The following ZFHX3 variants were observed in gnomAD, a reference collection of about 807,000 sequenced individuals.
The protein encoded by ZFHX3 is zinc finger homeobox protein 3.
In ZFHX3, 42 loss-of-function variants were observed where a neutral mutation model predicts 279.1. That is an observed-to-expected ratio of 0.15 (90% confidence interval 0.12 to 0.19). ZFHX3 has a LOEUF of 0.19. Ranked by LOEUF, ZFHX3 falls within the 10% of genes least tolerant of loss-of-function variation. The probability of loss-of-function intolerance (pLI) is 1.00; values close to 1 mark genes in which losing one functional copy is unlikely to be tolerated. For missense variants in ZFHX3, 4,981 were observed against 4,754.0 expected (o/e 1.05, Z -1.40); for synonymous variants, 2,293 against 1,957.8 (o/e 1.17, Z -4.52).
chr16:72,865,783 C>T (rs2038004360), intron 4 of ZFHX3, among the ~76,000 whole-genome samples: 1 of 152,134 alleles, frequency 6.6e-6, no homozygotes, highest in Non-Finnish European at 1.5e-5. Context: ...GCTTCTGTAT[C>T]CACAGAGAAG....
chr16:72,958,052 C>A lies in ZFHX3; in HGVS notation c.2094G>T (p.Gly698=), dbSNP rs1961351818. The A allele has an allele frequency of 1.2e-6, 2 of 1,613,656 alleles. No homozygotes were observed. Among genetic ancestry groups the A allele is most frequent in the African/African-American group, 1.3e-5 (1 of 74,946 alleles). Residue 698 remains glycine (G), a synonymous_variant, in exon 2 of 10, where the codon GGG becomes GGT. Coordinates refer to ENST00000268489, the MANE Select transcript of ZFHX3 (RefSeq NM_006885.4). ...AHMKEKHPEP[G]GSCVYCKSGQ... ...CGCTTTTGCAGTAGACACAGGAGCC[C>A]CCCGGCTCCGGGTGCTTCTCCTTCA...
At chr16:73,511,941 C>G (rs971881287) in intron 2 of ZFHX3, among the ~76,000 whole-genome samples, 1 of 152,170 alleles carries the variant, frequency 6.6e-6, no homozygotes, top group Non-Finnish European at 1.5e-5. Flanking sequence ...AAATACCCAA[C>G]ATGAGCCAGG....
intron 2 of ZFHX3, among the ~76,000 whole-genome samples, chr16:73,513,021 A>G (rs2019459607): frequency 6.6e-6 from 1 of 152,210 alleles, no homozygotes; most frequent in Non-Finnish European, 1.5e-5. Flanking sequence ...AATGAGGATA[A>G]TAGAATTCTA....
At position 72,786,549 on chromosome 16, in the gene ZFHX3, T is replaced by TA. The variant is rs2035379644; in HGVS notation, c.*614_*615insT. Reference sequence around the variant, plus strand: ...TTTTTCTTGAATACTTTCTGCCCATTTTTAAGTTAACAAAACAAAAAATCT... The same window carrying TA: ...TTTTTCTTGAATACTTTCTGCCCATTATTTAAGTTAACAAAACAAAAAATCT... On this transcript the variant is annotated 3_prime_UTR_variant, in exon 10 of 10. Coordinates refer to ENST00000268489, the MANE Select transcript of ZFHX3 (RefSeq NM_006885.4). The TA allele has an allele frequency of 6.7e-6, 1 of 150,180 alleles. No homozygotes were observed. The highest frequency in any genetic ancestry group is 6.6e-5 in the Admixed American group (1 of 15,122). 9.3% of individuals were successfully genotyped at this position (150,180 alleles called of 1,614,324 possible).
intron 4 of ZFHX3, among the ~76,000 whole-genome samples, chr16:73,293,317 C>T (rs1276103921): frequency 6.6e-6 from 1 of 152,176 alleles, no homozygotes; most frequent in East Asian, 1.9e-4. Flanking sequence ...AATAACTCCA[C>T]AAAGCCCTTC....
At position 73,194,932 on chromosome 16, in the gene ZFHX3, G is replaced by C. The variant is rs759494550; in HGVS notation, c.-1103-51101C>G. ...TCTTAAGTATGGTGTTTATAGGCTAGGGTTTGCAAGAACCTGAATCAAAAA... is the reference window on the plus strand; with the variant it reads ...TCTTAAGTATGGTGTTTATAGGCTACGGTTTGCAAGAACCTGAATCAAAAA... On this transcript the variant is annotated intron_variant, in intron 5 of 17. Coordinates refer to the ZFHX3 transcript ENST00000641206. Among the ~76,000 whole-genome samples, 10 of 152,262 alleles carry C rather than the reference G, an allele frequency of 6.6e-5. No homozygotes were observed. The South Asian group carries it at 8.3e-4, about 13-fold the overall frequency.
chr16:73,584,191 A>C (rs1567525432), intron 2 of ZFHX3, among the ~76,000 whole-genome samples: 2 of 152,106 alleles, frequency 1.3e-5, no homozygotes, highest in African/African-American at 4.8e-5. Context: ...TCTAACATAC[A>C]TCTAATTGGA....
chr16:73,341,227 G>A (rs572488857), intron 3 of ZFHX3, among the ~76,000 whole-genome samples: 1 of 152,212 alleles, frequency 6.6e-6, no homozygotes, highest in Admixed American at 6.5e-5. Flanking sequence ...TGTAATCCCA[G>A]CTACTGAGGA....
intron 7 of ZFHX3, among the ~76,000 whole-genome samples, chr16:73,125,656 C>T (rs1228382613): frequency 1.3e-5 from 2 of 152,086 alleles, no homozygotes; most frequent in African/African-American, 4.8e-5. Context: ...TGCTTCCTGC[C>T]TTCGAACACT....
At chr16:73,369,364 G>A (rs572645745) in intron 3 of ZFHX3, among the ~76,000 whole-genome samples, 7 of 152,296 alleles carry the variant, frequency 4.6e-5, no homozygotes, top group African/African-American at 1.2e-4. Flanking sequence ...TGATGGCAGC[G>A]CACTGAACCG....
At chr16:73,286,150 C>G (rs1047531546) in intron 4 of ZFHX3, among the ~76,000 whole-genome samples, 1 of 152,042 alleles carries the variant, frequency 6.6e-6, no homozygotes, top group African/African-American at 2.4e-5. Context: ...GTCTCTCCCT[C>G]CCTCTCTCTC....
chr16:72,883,571 T>C (rs999617435), intron 4 of ZFHX3, among the ~76,000 whole-genome samples: 20 of 152,246 alleles, frequency 1.3e-4, no homozygotes, highest in Non-Finnish European at 2.4e-4. Context: ...AATCAACCTA[T>C]GTTATCCTGT....
At chr16:72,789,229 T>G (rs1439203592) in intron 9 of ZFHX3, 1 of 180,860 alleles carries the variant, frequency 5.5e-6, no homozygotes, top group Non-Finnish European at 1.1e-5. Flanking sequence ...CAACCTTGTA[T>G]TCTAATGAAG....
At chr16:73,282,153 C>G (rs1325836454) in intron 4 of ZFHX3, among the ~76,000 whole-genome samples, 1 of 152,122 alleles carries the variant, frequency 6.6e-6, no homozygotes, top group Non-Finnish European at 1.5e-5. Flanking sequence ...ATTTTTCCCC[C>G]ACTCCACAGG....
At chr16:73,633,966 AAAATACCCT>A (rs1275286426) in intron 2 of ZFHX3, among the ~76,000 whole-genome samples, 2 of 152,218 alleles carry the variant, frequency 1.3e-5, no homozygotes, top group Non-Finnish European at 2.9e-5. Flanking sequence ...TAAAATATTT[AAAATACCCT>A]AAATGTACAA....
intron 2 of ZFHX3, among the ~76,000 whole-genome samples, chr16:73,592,630 A>G (rs565967110): frequency 5.9e-5 from 9 of 152,324 alleles, no homozygotes; most frequent in African/African-American, 2.2e-4. Flanking sequence ...TGTGAATGAA[A>G]CAGATTGACC....
intron 1 of ZFHX3, among the ~76,000 whole-genome samples, chr16:73,811,127 G>A (rs569275134): frequency 6.6e-6 from 1 of 152,158 alleles, no homozygotes; most frequent in Non-Finnish European, 1.5e-5. Context: ...ATTATGGTGT[G>A]ACAGTACCAG....
chr16:73,155,418 T>C (rs1967054247), intron 5 of ZFHX3, among the ~76,000 whole-genome samples: 1 of 152,140 alleles, frequency 6.6e-6, no homozygotes, highest in Non-Finnish European at 1.5e-5. Flanking sequence ...GAGTGGAAAT[T>C]CAGCCCTTGC....
chr16:72,826,602 A>G (rs911251174), intron 5 of ZFHX3, among the ~76,000 whole-genome samples: 2 of 152,206 alleles, frequency 1.3e-5, no homozygotes, highest in Admixed American at 1.3e-4. Flanking sequence ...TACCTTAATA[A>G]AGCCTGTCAT....
Sources: allele counts gnomAD v4.1 joint callset (sites outside exome capture counted in the v4.1 genomes callset), GRCh38; gene constraint gnomAD v4.1.1; transcripts MANE v1.5; gene names NCBI Gene and HGNC (gene_info 2026-07-23, HGNC 2026-07-21).